Variants in CFAP299 observed in about 807,000 individuals in gnomAD.
The protein encoded by CFAP299 is cilia and flagella associated protein 299, also known as cilia- and flagella-associated protein 299.
In CFAP299, 21 loss-of-function variants were observed where a neutral mutation model predicts 27.0. The observed-to-expected ratio is 0.78, with a 90% CI of 0.55 to 1.12. CFAP299 has a LOEUF of 1.12. Ranked by LOEUF, CFAP299 falls within the 50% of genes most tolerant of loss-of-function variation. The pLI is 0.00. For synonymous variants in CFAP299, 104 were observed against 98.1 expected (o/e 1.06, Z -0.36); for missense variants, 310 against 276.6 (o/e 1.12, Z -0.86).
chr4:80,759,037 AC>A (rs1725408995), intron 3 of CFAP299, among the ~76,000 whole-genome samples: 1 of 152,250 alleles, frequency 6.6e-6, no homozygotes, highest in East Asian at 1.9e-4. Flanking sequence ...CATATTTAAA[AC>A]ATTACAATAT....
At chr4:80,799,281 T>TAA in intron 3 of CFAP299, among the ~76,000 whole-genome samples, 2 of 93,032 alleles carry the variant, frequency 2.1e-5, no homozygotes, top group African/African-American at 1.0e-4. Flanking sequence ...TTTATATATA[T>TAA]ATTGTATAAA....
At chr4:80,664,201 A>T (rs1344059093) in intron 3 of CFAP299, among the ~76,000 whole-genome samples, 1 of 152,082 alleles carries the variant, frequency 6.6e-6, no homozygotes, top group Non-Finnish European at 1.5e-5. Flanking sequence ...TTGGGCAGAC[A>T]CCAAGCTAGC....
intron 3 of CFAP299, among the ~76,000 whole-genome samples, chr4:80,796,681 T>C (rs115213476): frequency 0.011 from 1,606 of 152,254 alleles, 31 homozygotes; most frequent in African/African-American, 0.035. Context: ...ATCTGTCTTC[T>C]GTACAGGCCA....
intron 3 of CFAP299, among the ~76,000 whole-genome samples, chr4:80,705,210 T>C (rs1227063787): frequency 6.6e-6 from 1 of 151,796 alleles, no homozygotes; most frequent in Non-Finnish European, 1.5e-5. Flanking sequence ...AACTAGAAAC[T>C]TATTGCTCAC....
At chr4:80,478,312 C>T (rs924788075) in intron 2 of CFAP299, among the ~76,000 whole-genome samples, 5 of 152,136 alleles carry the variant, frequency 3.3e-5, no homozygotes, top group Admixed American at 1.3e-4. Flanking sequence ...CTTCTTGACT[C>T]TATTTCCATT....
intron 2 of CFAP299, among the ~76,000 whole-genome samples, chr4:80,490,455 C>T (rs1731057347): frequency 6.6e-6 from 1 of 152,170 alleles, no homozygotes; most frequent in Non-Finnish European, 1.5e-5. Context: ...TTTCAACATC[C>T]ATCCCATAGA....
chr4:80,515,634 A>G (rs1003824166), intron 2 of CFAP299, among the ~76,000 whole-genome samples: 2 of 152,206 alleles, frequency 1.3e-5, no homozygotes, highest in Admixed American at 1.3e-4. Context: ...ATGATGTCCC[A>G]GGGAGTTAGG....
chr4:80,701,351 TTCAGTTA>T (rs766526947), intron 3 of CFAP299, among the ~76,000 whole-genome samples: 1 of 152,072 alleles, frequency 6.6e-6, no homozygotes, highest in Non-Finnish European at 1.5e-5. Flanking sequence ...AATTCAAACA[TTCAGTTA>T]TCAAACACCA....
chr4:80,799,370 A>G (rs1728115372), intron 3 of CFAP299, among the ~76,000 whole-genome samples: 1 of 99,198 alleles, frequency 1.0e-5, no homozygotes, highest in South Asian at 3.0e-4. Context: ...TAATATTTAT[A>G]TATATAAATG....
chr4:80,515,407 C>A (rs953656267), intron 2 of CFAP299, among the ~76,000 whole-genome samples: 1 of 152,146 alleles, frequency 6.6e-6, no homozygotes, highest in East Asian at 1.9e-4. Flanking sequence ...AATTGCTATG[C>A]TCTCCATTTC....
intron 3 of CFAP299, among the ~76,000 whole-genome samples, chr4:80,739,133 T>C (rs1724099612): frequency 1.3e-5 from 2 of 152,110 alleles, no homozygotes; most frequent in Non-Finnish European, 2.9e-5. Flanking sequence ...GAAAAGTTGT[T>C]TTAGTTATTG....
intron 3 of CFAP299, among the ~76,000 whole-genome samples, chr4:80,747,830 T>G (rs1724707780): frequency 6.6e-6 from 1 of 152,086 alleles, no homozygotes; most frequent in African/African-American, 2.4e-5. Flanking sequence ...CAGGTGCTCT[T>G]ATCAATATTC....
rs143189392 is a variant in CFAP299 at position 80,931,825 on chromosome 4, G to A, written c.477-12985G>A. On this transcript the variant is annotated intron_variant, in intron 4 of 5. Transcript: ENST00000358105. ...ATCCTACTCTAACACACATAGTGAA[G>A]TAAGCCAAGTTTTCAACAGGAATCA... Among the ~76,000 whole-genome samples, 13 of 152,232 alleles carry A rather than the reference G, an allele frequency of 8.5e-5. No individual in the cohort carries two copies. The East Asian group carries it at 2.5e-3, about 29-fold the overall frequency.
At chr4:80,622,417 C>T (rs578075997) in intron 3 of CFAP299, among the ~76,000 whole-genome samples, 4 of 152,248 alleles carry the variant, frequency 2.6e-5, no homozygotes, top group African/African-American at 7.2e-5. Flanking sequence ...TGAGTTAGAT[C>T]CACAGAATAT....
chr4:80,607,678 A>G (rs558405026), intron 3 of CFAP299, among the ~76,000 whole-genome samples: 29 of 152,320 alleles, frequency 1.9e-4, no homozygotes, highest in Non-Finnish European at 3.4e-4. Flanking sequence ...ATAAAGTCAA[A>G]GAAGTCGACA....
intron 2 of CFAP299, among the ~76,000 whole-genome samples, chr4:80,436,646 C>T (rs1185488170): frequency 1.3e-5 from 2 of 152,106 alleles, no homozygotes; most frequent in Admixed American, 1.3e-4. Flanking sequence ...TTCTGCCTCC[C>T]TTTCTCCATA....
chr4:80,612,722 C>G (rs1738058327), intron 3 of CFAP299, among the ~76,000 whole-genome samples: 2 of 152,062 alleles, frequency 1.3e-5, no homozygotes, highest in Non-Finnish European at 2.9e-5. Flanking sequence ...ACCCTCAACT[C>G]TGAATTAAGT....
chr4:80,455,386 T>G (rs1729093752), intron 2 of CFAP299, among the ~76,000 whole-genome samples: 1 of 152,220 alleles, frequency 6.6e-6, no homozygotes, highest in Non-Finnish European at 1.5e-5. Context: ...CAAGGCAGTT[T>G]CACGGGCACA....
chr4:80,376,969 A>C (rs887186372), intron 2 of CFAP299, among the ~76,000 whole-genome samples: 1 of 152,106 alleles, frequency 6.6e-6, no homozygotes, highest in African/African-American at 2.4e-5. Flanking sequence ...TCTTTGGTGA[A>C]ATGTTTTATT....
Sources: allele counts gnomAD v4.1 joint callset (sites outside exome capture counted in the v4.1 genomes callset), GRCh38; gene constraint gnomAD v4.1.1; transcripts MANE v1.5; gene names NCBI Gene and HGNC (gene_info 2026-07-23, HGNC 2026-07-21).